Variants in ZNF385D observed in about 807,000 individuals in gnomAD.
The protein encoded by ZNF385D is zinc finger protein 385D, also known as zinc finger protein 659.
ZNF385D carries 15 observed loss-of-function variants against 35.8 expected under a neutral mutation model. The ratio of observed to expected loss-of-function variants is 0.42; its 90% CI spans 0.28 to 0.64. ZNF385D has a LOEUF of 0.64. ZNF385D is among the 30% of genes least tolerant of loss of function. ZNF385D has a pLI of 0.23. For missense variants in ZNF385D, 474 were observed against 494.6 expected, an observed-to-expected ratio of 0.96 and a Z score of 0.39; for synonymous variants, 212 against 186.8, an observed-to-expected ratio of 1.13 and a Z score of -1.10.
At chr3:21,683,409 G>C (rs1270850293) in intron 1 of ZNF385D, among the ~76,000 whole-genome samples, 1 of 149,672 alleles carries the variant, frequency 6.7e-6, no homozygotes, top group African/African-American at 2.5e-5. Flanking sequence ...ACGAGGTCAG[G>C]AGATCAAGAC....
chr3:21,474,915 T>C (rs1473875065), intron 4 of ZNF385D, among the ~76,000 whole-genome samples: 2 of 152,230 alleles, frequency 1.3e-5, no homozygotes, highest in Non-Finnish European at 1.5e-5. Flanking sequence ...TCTGGTGTAA[T>C]TGATAAGAAA....
At chr3:21,586,828 C>CATAA (rs1309943657) in intron 2 of ZNF385D, among the ~76,000 whole-genome samples, 1 of 152,038 alleles carries the variant, frequency 6.6e-6, no homozygotes, top group Non-Finnish European at 1.5e-5. Context: ...TAGACAAAAA[C>CATAA]ATAAATATAT....
At chr3:21,759,628 T>C (rs902244660) in intron 3 of ZNF385D, among the ~76,000 whole-genome samples, 2 of 152,152 alleles carry the variant, frequency 1.3e-5, no homozygotes, top group Non-Finnish European at 2.9e-5. Flanking sequence ...TCTTATACAC[T>C]TCAGAGGTTT....
At chr3:22,256,606 G>A (rs898387011) in intron 2 of ZNF385D, among the ~76,000 whole-genome samples, 3 of 151,930 alleles carry the variant, frequency 2.0e-5, no homozygotes, top group East Asian at 3.9e-4. Context: ...ATAAATCATC[G>A]TATCTGTCAC....
intron 2 of ZNF385D, among the ~76,000 whole-genome samples, chr3:21,616,473 G>A (rs111376035): frequency 6.6e-6 from 1 of 152,146 alleles, no homozygotes; most frequent in Non-Finnish European, 1.5e-5. Flanking sequence ...ATTTTTGAAG[G>A]AGGTTGGGGG....
chr3:21,758,975 C>CAAAAAAA (rs58450064), intron 3 of ZNF385D, among the ~76,000 whole-genome samples: 460 of 29,226 alleles, frequency 0.016, 143 homozygotes, highest in South Asian at 0.033. Flanking sequence ...TCATCACTGG[C>CAAAAAAA]AAAAAAAAAA....
intron 3 of ZNF385D, among the ~76,000 whole-genome samples, chr3:21,839,073 A>T (rs192829722): frequency 2.0e-5 from 3 of 152,098 alleles, no homozygotes; most frequent in African/African-American, 7.2e-5. Context: ...ATTAGAAGAT[A>T]ATCTTTGATT....
intron 2 of ZNF385D, among the ~76,000 whole-genome samples, chr3:21,656,437 T>G (rs912270490): frequency 1.3e-5 from 2 of 152,006 alleles, no homozygotes; most frequent in Non-Finnish European, 2.9e-5. Context: ...TAGATGACAT[T>G]CTCCCTGAAT....
chr3:21,459,718 G>A (rs994071127), intron 4 of ZNF385D, among the ~76,000 whole-genome samples: 1 of 152,092 alleles, frequency 6.6e-6, no homozygotes, highest in African/African-American at 2.4e-5. Flanking sequence ...TCTTGTACTT[G>A]CCAAATGTAT....
At chr3:22,027,077 G>T (rs1359436408) in intron 3 of ZNF385D, among the ~76,000 whole-genome samples, 1 of 152,212 alleles carries the variant, frequency 6.6e-6, no homozygotes, top group Admixed American at 6.5e-5. Flanking sequence ...AAAGCAATTT[G>T]CCTTCAGCTG....
chr3:22,337,828 G>T (rs1486147043), intron 2 of ZNF385D, among the ~76,000 whole-genome samples: 1 of 152,232 alleles, frequency 6.6e-6, no homozygotes, highest in African/African-American at 2.4e-5. Context: ...TGAGAGGACA[G>T]AACAGGAGCT....
chr3:21,496,126 T>C (rs1342376605), intron 4 of ZNF385D, among the ~76,000 whole-genome samples: 1 of 151,838 alleles, frequency 6.6e-6, no homozygotes, highest in Non-Finnish European at 1.5e-5. Flanking sequence ...TGTATAAAGA[T>C]GAGCAGGTAT....
At chr3:22,150,210 C>G (rs1025877937) in intron 3 of ZNF385D, among the ~76,000 whole-genome samples, 8 of 152,078 alleles carry the variant, frequency 5.3e-5, no homozygotes, top group Non-Finnish European at 1.2e-4. Flanking sequence ...GAAGATCCTC[C>G]TTTCTTAATG....
At chr3:21,461,323 G>A (rs1171027187) in intron 4 of ZNF385D, among the ~76,000 whole-genome samples, 1 of 152,088 alleles carries the variant, frequency 6.6e-6, no homozygotes, top group Non-Finnish European at 1.5e-5. Flanking sequence ...GGCTGAGGTG[G>A]GAGGATCATG....
At chr3:22,007,357 G>A (rs1694020) in intron 3 of ZNF385D, among the ~76,000 whole-genome samples, 66,552 of 152,076 alleles carry the variant, frequency 0.44, 16,529 homozygotes, top group African/African-American at 0.68. Flanking sequence ...ACAGTCTTGC[G>A]TAAGTCTACC....
chr3:22,320,823 TTA>T (rs1694374278), intron 2 of ZNF385D, among the ~76,000 whole-genome samples: 1 of 151,892 alleles, frequency 6.6e-6, no homozygotes, highest in Non-Finnish European at 1.5e-5. Flanking sequence ...TTTTTTGATT[TTA>T]TAAGTGTTCA....
intron 3 of ZNF385D, among the ~76,000 whole-genome samples, chr3:21,802,922 G>A (rs1305555970): frequency 1.3e-5 from 2 of 152,152 alleles, no homozygotes; most frequent in South Asian, 4.1e-4. Context: ...GGAGGAACAA[G>A]GAAAGATGTT....
At chr3:22,208,186 C>T (rs1244574875) in intron 2 of ZNF385D, among the ~76,000 whole-genome samples, 1 of 151,886 alleles carries the variant, frequency 6.6e-6, no homozygotes, top group Non-Finnish European at 1.5e-5. Flanking sequence ...TGAAAACAAT[C>T]TAAGTGTCCA....
chr3:22,298,719 A>C (rs1160843064), intron 2 of ZNF385D, among the ~76,000 whole-genome samples: 1 of 150,836 alleles, frequency 6.6e-6, no homozygotes, highest in African/African-American at 2.4e-5. Flanking sequence ...CAAAAAAAAA[A>C]AATAAAATGA....
Sources: gnomAD v4.1 joint callset for allele counts (sites outside exome capture counted in the v4.1 genomes callset) on GRCh38, gnomAD v4.1.1 for gene constraint, MANE v1.5 for transcripts, NCBI Gene and HGNC (gene_info 2026-07-23, HGNC 2026-07-21) for gene names.